The following GDF1 variants were observed in gnomAD, a reference collection of about 807,000 sequenced individuals.
The protein encoded by GDF1 is growth differentiation factor 1, also known as embryonic growth/differentiation factor 1.
A neutral mutation model predicts 7.4 loss-of-function variants in GDF1; 8 were observed. The observed-to-expected ratio is 1.09, with a 90% CI of 0.64 to 1.96. The LOEUF is 1.96. Ranked by LOEUF, GDF1 falls within the 30% of genes most tolerant of loss-of-function variation. The pLI is 0.00. For synonymous variants in GDF1, 311 were observed against 276.7 expected (o/e 1.12, Z -1.23); for missense variants, 574 against 551.5 (o/e 1.04, Z -0.41).
chr19:18,885,005 C>T lies in GDF1; in HGVS notation c.-913-738G>A, dbSNP rs527934941. Among the ~76,000 whole-genome samples the T allele has an allele frequency of 3.3e-5, 5 of 152,074 alleles. No individual in the cohort carries two copies. In the East Asian group the frequency reaches 5.8e-4, roughly 18 times the overall value. Reference sequence around the variant, plus strand: ...TGCTGGGATTACAGGCGTGAGCCACCGTGCCCGGCCAGCAGGGATTTTTAT... The same window carrying T: ...TGCTGGGATTACAGGCGTGAGCCACTGTGCCCGGCCAGCAGGGATTTTTAT... On this transcript the variant is annotated intron_variant, in intron 2 of 7. Transcript: ENST00000247005.
At position 18,896,064 on chromosome 19, in the gene GDF1, C is replaced by T. The variant is rs1310539014; in HGVS notation, c.-1314G>A. 4 of 978,346 alleles carry T rather than the reference C, an allele frequency of 4.1e-6. No individual in the cohort carries two copies. The highest frequency in any genetic ancestry group is 4.8e-6 in the Non-Finnish European group (4 of 825,414). 60.6% of individuals were successfully genotyped at this position (978,346 alleles called of 1,614,324 possible). On this transcript the variant is annotated 5_prime_UTR_variant, in exon 1 of 8. Transcript: ENST00000247005. This position sits in a 1 kb window ranked among gnomAD's most constrained non-coding sequence, Gnocchi z 5.9. ...CCGTCGGCCCCGCCGCGGGCCCCGC[C>T]GCCGCCATACCGCCCGCTCGCCCGC...
chr19:18,878,687 ACCCTGCCTGTCG>A lies in GDF1; in HGVS notation c.-313+231_-313+242del. On this transcript the variant is annotated intron_variant, in intron 6 of 7. Transcript: ENST00000247005. The surrounding 1 kb of genome is among the most constrained non-coding windows in gnomAD (Gnocchi z 4.6). ...GGCCCTCAGTGTCCCTACCGCTGAG[ACCCTGCCTGTCG>A]CCCTGCCTGCCCCTCCCCAGCCTCT... is the stretch of plus-strand genomic sequence containing the variant. 5 of 1,346,682 alleles carry A rather than the reference ACCCTGCCTGTCG, an allele frequency of 3.7e-6. No individual in the cohort carries two copies. The highest frequency in any genetic ancestry group is 1.5e-5 in the African/African-American group (1 of 66,890). 83.4% of individuals were successfully genotyped at this position (1,346,682 alleles called of 1,614,324 possible).
At chr19:18,879,435 C>G in intron 4 of GDF1, 47 bp from the exon 5 acceptor site, 1 of 1,543,460 alleles carries the variant, frequency 6.5e-7, no homozygotes. Context: ...GGGACGGTGC[C>G]CTACCCAGTC....
In GDF1 at chr19:18,884,260, C is replaced by T. The variant is rs372257242; in HGVS notation, c.-906G>A. 4.0e-5 allele frequency: 65 copies of T among 1,611,624 alleles called. No individual in the cohort carries two copies. Among genetic ancestry groups the T allele is most frequent in the Admixed American group, 6.7e-5 (4 of 59,756 alleles). On this transcript the variant is annotated 5_prime_UTR_variant, in exon 3 of 8. Transcript: ENST00000247005. ...TGTCCCGTGGCACTGCCATGCCCGG[C>T]GTCCAGTCTGGGGAGAGCCAAATCT...
At chr19:18,893,301 A>C in intron 2 of GDF1, 115 bp downstream of exon 2, 1 of 1,232,654 alleles carries the variant, frequency 8.1e-7, no homozygotes, top group Non-Finnish European at 1.1e-6. Context: ...CTTGGCCTCC[A>C]ACTCCTGGGC....
rs1338885062 is a variant in GDF1 at position 18,868,603 on chromosome 19, G to A, written c.1113C>T (p.Cys371=). The stretch of plus-strand genomic sequence containing the variant: ...CGTCCCTGCCCGCCCCGGGTTAGCG[G>A]CAGCCGCACTCGTCCACCACCATGT... ...YEDMVVDECG[C]R Residue 371 remains cysteine, a synonymous_variant, in exon 8 of 8, where the codon TGC becomes TGT. Coordinates refer to ENST00000247005, the MANE Select transcript of GDF1 (RefSeq NM_001492.6). The A allele has an allele frequency of 1.3e-5, 21 of 1,557,866 alleles. No homozygotes were observed. The highest frequency in any genetic ancestry group is 1.8e-5 in the Non-Finnish European group (21 of 1,150,738).
chr19:18,884,035 G>T, intron 3 of GDF1, 52 bp downstream of exon 3: 1 of 1,566,858 alleles, frequency 6.4e-7, no homozygotes, highest in Non-Finnish European at 8.7e-7. Flanking sequence ...ATCAGCCTCC[G>T]CACTCTGTGT....
intron 2 of GDF1, among the ~76,000 whole-genome samples, chr19:18,891,621 A>C (rs2056493064): frequency 1.3e-5 from 2 of 152,094 alleles, no homozygotes; most frequent in Admixed American, 1.3e-4. Flanking sequence ...TCTGTTGCCC[A>C]GGCTGGAGTG....
intron 3 of GDF1, chr19:18,882,164 G>A (rs1393780753): frequency 6.5e-6 from 1 of 153,896 alleles, no homozygotes; most frequent in Non-Finnish European, 1.5e-5. Flanking sequence ...TTCCTTTTTG[G>A]TTCTATCATC....
chr19:18,879,251 T>C lies in GDF1; in HGVS notation c.-433A>G, dbSNP rs2146012469. The C allele has an allele frequency of 1.9e-6, 3 of 1,613,386 alleles. No individual in the cohort carries two copies. Among genetic ancestry groups the C allele is most frequent in the East Asian group, 2.2e-5 (1 of 44,862 alleles). On this transcript the variant is annotated 5_prime_UTR_variant, in exon 5 of 8. Transcript: ENST00000247005. Reference sequence around the variant, plus strand: ...CCGGGGCCGACTCACCAGGAACCAGTAGAGGTTCATAAGGGTGAGCAGCAG... The same window carrying C: ...CCGGGGCCGACTCACCAGGAACCAGCAGAGGTTCATAAGGGTGAGCAGCAG...
intron 2 of GDF1, among the ~76,000 whole-genome samples, chr19:18,890,748 T>C (rs926170416): frequency 7.2e-6 from 1 of 137,994 alleles, no homozygotes; most frequent in East Asian, 2.1e-4. Flanking sequence ...GCCACTGTAC[T>C]CCAGCCTGAG....
intron 2 of GDF1, among the ~76,000 whole-genome samples, chr19:18,887,296 G>C (rs2056384903): frequency 6.6e-6 from 1 of 152,200 alleles, no homozygotes; most frequent in Non-Finnish European, 1.5e-5. Flanking sequence ...GAAATGCCCA[G>C]AACAGGCAAA....
Position 18,895,880 on chromosome 19 carries a change from G to A in GDF1, c.-1130C>T. On this transcript the variant is annotated 5_prime_UTR_variant, in exon 1 of 8. Transcript: ENST00000247005. This position sits in a 1 kb window ranked among gnomAD's most constrained non-coding sequence, Gnocchi z 6.4. ...AGGGCGGTCCAGCCCAGCGCGCCGAGCGCCAGCAGCAGCAGCTCGGGCGGC... is the reference window on the plus strand; with the variant it reads ...AGGGCGGTCCAGCCCAGCGCGCCGAACGCCAGCAGCAGCAGCTCGGGCGGC... 3.9e-6 allele frequency: 5 copies of A among 1,281,536 alleles called. No individual in the cohort carries two copies. Among genetic ancestry groups the A allele is most frequent in the Non-Finnish European group, 4.9e-6 (5 of 1,015,280 alleles). 79.4% of individuals were successfully genotyped at this position (1,281,536 alleles called of 1,614,324 possible). A position where few individuals can be genotyped will look rare whatever the true frequency, so the allele number is the denominator to read the frequency against.
At position 18,869,312 on chromosome 19, in the gene GDF1, G is replaced by A. The variant is rs944730356; in HGVS notation, c.404C>T (p.Ala135Val). ...GCTCGGGCGCTCAGCGGGTTCCACA[G>A]CCGACAGGTCGAAGACGACTGTCCA... ...PEWTVVFDLS[A>V]VEPAERPSRA... Residue 135 changes from alanine (A) to valine (V), a missense_variant, in exon 8 of 8, where the codon GCT becomes GTT. Coordinates refer to ENST00000247005, the MANE Select transcript of GDF1 (RefSeq NM_001492.6). 3.2e-5 allele frequency: 48 copies of A among 1,521,974 alleles called. 1 individual carries two copies. The Admixed American group carries it at 8.4e-4, about 26-fold the overall frequency. 94.3% of individuals were successfully genotyped at this position (1,521,974 alleles called of 1,614,324 possible).
In GDF1 at chr19:18,870,072, C is replaced by T. The variant is rs748236096; in HGVS notation, c.236G>A (p.Arg79Gln). Residue 79 changes from arginine (R) to glutamine (Q), a missense_variant, in exon 7 of 8, where the codon CGG (arginine) becomes CAG (glutamine). Arg to Gln is a conservative substitution (Grantham distance 43). Transcript: ENST00000247005. This position sits in a 1 kb window ranked among gnomAD's most constrained non-coding sequence, Gnocchi z 5.1. ...RDPQETRSGSRRTSPGVTLQP... is the reference protein window; with the variant it reads ...RDPQETRSGSQRTSPGVTLQP... ...CAGGGTGACCCCTGGGGACGTCCGCCGCGAGCCAGACCTGGTCTCCTGGGG... is the reference window on the plus strand; with the variant it reads ...CAGGGTGACCCCTGGGGACGTCCGCTGCGAGCCAGACCTGGTCTCCTGGGG... 7.1e-5 allele frequency: 113 copies of T among 1,582,670 alleles called. No homozygotes were observed. Among genetic ancestry groups the T allele is most frequent in the Middle Eastern group, 1.7e-4 (1 of 6,020 alleles).
chr19:18,878,680 C>G lies in GDF1; in HGVS notation c.-313+250G>C. On this transcript the variant is annotated intron_variant, in intron 6 of 7. Transcript: ENST00000247005. The surrounding 1 kb of genome is among the most constrained non-coding windows in gnomAD (Gnocchi z 4.6). ...TAGGCCTGGCCCTCAGTGTCCCTAC[C>G]GCTGAGACCCTGCCTGTCGCCCTGC... 7.5e-7 allele frequency: 1 copy of G among 1,331,378 alleles called. No homozygotes were observed. Among genetic ancestry groups the G allele is most frequent in the South Asian group, 1.6e-5 (1 of 63,686 alleles). 82.5% of individuals were successfully genotyped at this position (1,331,378 alleles called of 1,614,324 possible). A position where few individuals can be genotyped will look rare whatever the true frequency, so the allele number is the denominator to read the frequency against.
At chr19:18,890,358 G>A (rs752141696) in intron 2 of GDF1, among the ~76,000 whole-genome samples, 2 of 152,244 alleles carry the variant, frequency 1.3e-5, no homozygotes, top group Admixed American at 1.3e-4. Flanking sequence ...CCTGCCACAC[G>A]GCCAGCTTCA....
intron 2 of GDF1, among the ~76,000 whole-genome samples, chr19:18,888,013 C>G (rs1227073972): frequency 1.3e-5 from 2 of 152,064 alleles, no homozygotes; most frequent in Non-Finnish European, 1.5e-5. Context: ...TAGTATTTGT[C>G]TTTTTGTGAT....
At chr19:18,894,287 G>A (rs1010904267) in intron 1 of GDF1, among the ~76,000 whole-genome samples, 1 of 151,972 alleles carries the variant, frequency 6.6e-6, no homozygotes, top group Non-Finnish European at 1.5e-5. Flanking sequence ...AGAGCTGCCC[G>A]GCCAAGCCCC....
Sources: allele counts gnomAD v4.1 joint callset (sites outside exome capture counted in the v4.1 genomes callset), GRCh38; gene constraint gnomAD v4.1.1; non-coding constraint Gnocchi (gnomAD v3.1); transcripts MANE v1.5; gene names NCBI Gene and HGNC (gene_info 2026-07-23, HGNC 2026-07-21).